Variants in PTPRD observed in about 807,000 individuals in gnomAD.
PTPRD encodes receptor-type tyrosine-protein phosphatase delta.
In PTPRD, 34 loss-of-function variants were observed where a neutral mutation model predicts 214.5. That is an observed-to-expected ratio of 0.16 (90% CI 0.12 to 0.21). The LOEUF (loss-of-function observed/expected upper bound fraction) is 0.21, where lower values mean the gene tolerates loss of function less well. Ranked by LOEUF, PTPRD falls within the 10% of genes least tolerant of loss-of-function variation. The pLI is 1.00. For synonymous variants in PTPRD, 1,128 were observed against 845.7 expected (o/e 1.33, Z -5.79); for missense variants, 2,545 against 2,398.7 (o/e 1.06, Z -1.27).
intron 39 of PTPRD, among the ~76,000 whole-genome samples, chr9:8,372,629 C>T (rs2081905399): frequency 6.6e-6 from 1 of 151,928 alleles, no homozygotes; most frequent in Non-Finnish European, 1.5e-5. Flanking sequence ...TTGGCCTTTC[C>T]TTGCTTGCCT....
chr9:10,280,364 A>ACT (rs2095031981), intron 3 of PTPRD, among the ~76,000 whole-genome samples: 1 of 126,420 alleles, frequency 7.9e-6, no homozygotes, highest in African/African-American at 2.6e-5. Context: ...TAAACACCAC[A>ACT]CACACACACA....
chr9:9,423,972 T>A (rs2142763735), intron 8 of PTPRD, among the ~76,000 whole-genome samples: 1 of 152,336 alleles, frequency 6.6e-6, no homozygotes, highest in African/African-American at 2.4e-5. Context: ...AAGGCAGTCA[T>A]TCTCCCAAGT....
At chr9:9,966,674 T>TG (rs2094725262) in intron 4 of PTPRD, among the ~76,000 whole-genome samples, 1 of 152,090 alleles carries the variant, frequency 6.6e-6, no homozygotes, top group Non-Finnish European at 1.5e-5. Context: ...GAAGTGGATT[T>TG]GGGGGAAAGT....
chr9:8,724,360 G>C (rs1166250001), intron 12 of PTPRD, among the ~76,000 whole-genome samples: 1 of 152,106 alleles, frequency 6.6e-6, no homozygotes, highest in African/African-American at 2.4e-5. Flanking sequence ...TTTAAAAAAT[G>C]TTTAAGTGTC....
At chr9:9,948,925 G>T (rs1280945265) in intron 4 of PTPRD, among the ~76,000 whole-genome samples, 1 of 152,018 alleles carries the variant, frequency 6.6e-6, no homozygotes, top group East Asian at 1.9e-4. Context: ...TAAAGCAGTA[G>T]CATTATCTAA....
intron 5 of PTPRD, among the ~76,000 whole-genome samples, chr9:9,874,253 A>T (rs1258751338): frequency 6.6e-6 from 1 of 152,152 alleles, no homozygotes; most frequent in Non-Finnish European, 1.5e-5. Context: ...TATACAGGGG[A>T]GCTCTACTAG....
chr9:9,651,602 C>A (rs1045887109), intron 7 of PTPRD, among the ~76,000 whole-genome samples: 1 of 152,076 alleles, frequency 6.6e-6, no homozygotes, highest in African/African-American at 2.4e-5. Flanking sequence ...CATAGTATTC[C>A]ATGGTATATA....
chr9:8,391,181 A>G (rs1475275101), intron 36 of PTPRD, among the ~76,000 whole-genome samples: 1 of 152,042 alleles, frequency 6.6e-6, no homozygotes, highest in Admixed American at 6.6e-5. Flanking sequence ...CCCAAGCTCA[A>G]ATTGTTATAT....
chr9:10,360,998 A>G (rs1208073271), intron 2 of PTPRD, among the ~76,000 whole-genome samples: 4 of 152,092 alleles, frequency 2.6e-5, no homozygotes, highest in African/African-American at 9.7e-5. Flanking sequence ...GCTACTCGGG[A>G]GGCTGAGGCA....
intron 10 of PTPRD, among the ~76,000 whole-genome samples, chr9:9,172,547 T>C (rs939985984): frequency 6.6e-6 from 1 of 152,156 alleles, no homozygotes; most frequent in African/African-American, 2.4e-5. Context: ...TGGAAATATT[T>C]GCACTCTCCT....
At chr9:10,334,726 AC>A (rs977359414) in intron 3 of PTPRD, among the ~76,000 whole-genome samples, 116 of 151,742 alleles carry the variant, frequency 7.6e-4, no homozygotes, top group African/African-American at 2.6e-3. Flanking sequence ...GATTCAGCAC[AC>A]AAGGTCAACA....
intron 14 of PTPRD, among the ~76,000 whole-genome samples, chr9:8,570,634 G>T (rs772703354): frequency 1.3e-5 from 2 of 152,034 alleles, no homozygotes; most frequent in Non-Finnish European, 2.9e-5. Context: ...GTGGCTATTT[G>T]TCAAAACTTA....
At chr9:10,107,231 C>A (rs72694871) in intron 3 of PTPRD, among the ~76,000 whole-genome samples, 16 of 152,040 alleles carry the variant, frequency 1.1e-4, no homozygotes, top group East Asian at 5.8e-4. Context: ...TGCACACACA[C>A]TCTCTTAGTT....
At chr9:8,402,198 A>G (rs1472134249) in intron 36 of PTPRD, among the ~76,000 whole-genome samples, 2 of 152,160 alleles carry the variant, frequency 1.3e-5, no homozygotes, top group Non-Finnish European at 2.9e-5. Context: ...TTTGCATAAC[A>G]CTTAACATGT....
At chr9:8,719,436 A>C (rs960017580) in intron 12 of PTPRD, among the ~76,000 whole-genome samples, 1 of 152,246 alleles carries the variant, frequency 6.6e-6, no homozygotes, top group Non-Finnish European at 1.5e-5. Context: ...AGGCTAATCA[A>C]ACTAATCTCT....
intron 10 of PTPRD, among the ~76,000 whole-genome samples, chr9:9,093,408 T>G (rs758234327): frequency 6.6e-6 from 1 of 151,992 alleles, no homozygotes; most frequent in African/African-American, 2.4e-5. Flanking sequence ...CAAGAAATAT[T>G]CACCATGATA....
chr9:9,250,514 C>T (rs1220448070), intron 9 of PTPRD, among the ~76,000 whole-genome samples: 1 of 151,944 alleles, frequency 6.6e-6, no homozygotes, highest in African/African-American at 2.4e-5. Context: ...ACAAATAACC[C>T]CAATGACAAA....
intron 2 of PTPRD, among the ~76,000 whole-genome samples, chr9:10,548,614 C>T (rs754123472): frequency 1.3e-5 from 2 of 151,328 alleles, no homozygotes; most frequent in Non-Finnish European, 2.9e-5. Flanking sequence ...TGGAATCACA[C>T]AGAGGATTTG....
chr9:10,481,735 T>C (rs549003774), intron 2 of PTPRD, among the ~76,000 whole-genome samples: 2 of 152,302 alleles, frequency 1.3e-5, no homozygotes, highest in African/African-American at 4.8e-5. Context: ...ATTTTTTAAT[T>C]ATATTAAAAT....
Sources: gnomAD v4.1 joint callset for allele counts (sites outside exome capture counted in the v4.1 genomes callset) on GRCh38, gnomAD v4.1.1 for gene constraint, MANE v1.5 for transcripts, NCBI Gene and HGNC (gene_info 2026-07-23, HGNC 2026-07-21) for gene names.